EFCAB6: variants seen among roughly 807,000 people sequenced by gnomAD.
The protein encoded by EFCAB6 is EF-hand calcium binding domain 6.
Under a neutral mutation model 169.8 loss-of-function variants are expected in EFCAB6, and 156 were observed. The ratio of observed to expected loss-of-function variants is 0.92; its 90% confidence interval spans 0.81 to 1.05. The LOEUF (loss-of-function observed/expected upper bound fraction) is 1.05. EFCAB6 is among the 50% of genes least tolerant of loss of function. The pLI is 0.00. For synonymous variants in EFCAB6, 698 were observed against 676.4 expected (o/e 1.03, Z -0.50); for missense variants, 1,800 against 1,829.1 (o/e 0.98, Z 0.29).
intron 21 of EFCAB6, among the ~76,000 whole-genome samples, chr22:43,611,460 ACTAC>A (rs1476171229): frequency 6.6e-6 from 1 of 152,196 alleles, no homozygotes; most frequent in Non-Finnish European, 1.5e-5. Flanking sequence ...TTCCTGTTGA[ACTAC>A]CAATGGCATT....
At chr22:43,771,231 G>T (rs2061459116) in intron 4 of EFCAB6, among the ~76,000 whole-genome samples, 1 of 152,140 alleles carries the variant, frequency 6.6e-6, no homozygotes, top group Non-Finnish European at 1.5e-5. Flanking sequence ...AGGAACTCGA[G>T]ACCAGCCTGG....
intron 27 of EFCAB6, among the ~76,000 whole-genome samples, chr22:43,551,086 T>A (rs149307929): frequency 1.7e-3 from 255 of 152,314 alleles, no homozygotes; most frequent in Non-Finnish European, 2.7e-3. Flanking sequence ...TCATGAAATA[T>A]GGAGTTAAGT....
intron 3 of EFCAB6, among the ~76,000 whole-genome samples, chr22:43,780,653 G>A (rs1185898577): frequency 6.6e-6 from 1 of 152,156 alleles, no homozygotes; most frequent in Non-Finnish European, 1.5e-5. Flanking sequence ...TGCTGATGAT[G>A]TATTTTGATG....
In EFCAB6 at chr22:43,735,627, C is replaced by T. The variant is rs139342940; in HGVS notation, c.644+230G>A. Among the ~76,000 whole-genome samples, 1,335 of 152,196 alleles carry T rather than the reference C, an allele frequency of 8.8e-3. 7 individuals are homozygous for T. Among genetic ancestry groups the T allele is most frequent in the Middle Eastern group, 0.034 (10 of 294 alleles). ...TCAGAGCTGCGGGCCAGAGGACGGA[C>T]CCCAAGGGTGCTTAAGGAATGAGAA... On this transcript the variant is annotated intron_variant, in intron 7 of 31. Coordinates refer to ENST00000262726, the MANE Select transcript of EFCAB6 (RefSeq NM_022785.4).
intron 18 of EFCAB6, among the ~76,000 whole-genome samples, chr22:43,633,267 C>T (rs1235271845): frequency 2.0e-5 from 3 of 152,112 alleles, no homozygotes; most frequent in Non-Finnish European, 2.9e-5. Flanking sequence ...AACTCCATGT[C>T]GGCCAGGCAC....
At chr22:43,653,008 A>G (rs2056552093) in intron 17 of EFCAB6, among the ~76,000 whole-genome samples, 2 of 152,224 alleles carry the variant, frequency 1.3e-5, no homozygotes, top group Non-Finnish European at 1.5e-5. Flanking sequence ...ACATGGGATT[A>G]GCAAACTGGA....
intron 8 of EFCAB6, among the ~76,000 whole-genome samples, chr22:43,729,263 T>G (rs1275400715): frequency 2.0e-5 from 3 of 152,168 alleles, no homozygotes; most frequent in Non-Finnish European, 2.9e-5. Context: ...ATCACATTTC[T>G]TTCTTTTTTT....
intron 12 of EFCAB6, among the ~76,000 whole-genome samples, chr22:43,681,369 T>G (rs1475754190): frequency 1.3e-5 from 2 of 152,206 alleles, no homozygotes; most frequent in Non-Finnish European, 2.9e-5. Flanking sequence ...AATATTTTGT[T>G]GAGAATTTTT....
intron 21 of EFCAB6, among the ~76,000 whole-genome samples, chr22:43,608,845 C>T (rs2053107279): frequency 1.3e-5 from 2 of 152,082 alleles, no homozygotes; most frequent in South Asian, 4.2e-4. Context: ...GGGGTTTGAC[C>T]TGGATTCTTC....
At chr22:43,676,418 CAAA>C (rs34550416) in intron 13 of EFCAB6, among the ~76,000 whole-genome samples, 1 of 60,456 alleles carries the variant, frequency 1.7e-5, no homozygotes, top group Non-Finnish European at 3.3e-5. Flanking sequence ...GACTCCGTCT[CAAA>C]AAAAAAAAAA....
chr22:43,716,601 T>G, intron 9 of EFCAB6: 1 of 405,380 alleles, frequency 2.5e-6, no homozygotes, highest in Non-Finnish European at 4.3e-6. Flanking sequence ...TCTTTATATG[T>G]CTTATTAGAG....
At chr22:43,671,652 T>C (rs754884908) in intron 15 of EFCAB6, among the ~76,000 whole-genome samples, 6 of 152,172 alleles carry the variant, frequency 3.9e-5, no homozygotes, top group Non-Finnish European at 4.4e-5. Flanking sequence ...TCAGGAATCA[T>C]AGAGACCCAG....
At chr22:43,531,038 G>T in intron 30 of EFCAB6, 74 bp from the exon 31 acceptor site, 2 of 1,579,128 alleles carry the variant, frequency 1.3e-6, no homozygotes, top group Non-Finnish European at 1.7e-6. Flanking sequence ...TCCTCGCCTC[G>T]CCCCCGCCTC....
intron 28 of EFCAB6, among the ~76,000 whole-genome samples, chr22:43,538,387 TTTTG>T (rs1245790070): frequency 6.6e-6 from 1 of 152,072 alleles, no homozygotes; most frequent in African/African-American, 2.4e-5. Flanking sequence ...TTTTTTGTTT[TTTTG>T]TTTTTTTTTT....
chr22:43,546,214 C>T (rs192561263), intron 27 of EFCAB6, among the ~76,000 whole-genome samples: 3 of 152,152 alleles, frequency 2.0e-5, no homozygotes, highest in Non-Finnish European at 4.4e-5. Flanking sequence ...CATACACTTC[C>T]TTGAAATTAA....
chr22:43,767,590 G>A (rs1035254475), intron 4 of EFCAB6, among the ~76,000 whole-genome samples: 1 of 152,128 alleles, frequency 6.6e-6, no homozygotes, highest in African/African-American at 2.4e-5. Flanking sequence ...ACCACCCTCA[G>A]AGGTGGTGTC....
rs75922596 is a variant in EFCAB6, at chr22:43,659,281, T to G, written c.1983+7823A>C. Among the ~76,000 whole-genome samples the G allele has an allele frequency of 9.3e-3, 1,410 of 152,312 alleles. 21 individuals are homozygous for G. The highest frequency in any genetic ancestry group is 0.033 in the African/African-American group (1,353 of 41,550). Reference sequence around the variant, plus strand: ...ACAAAGAGCTTTTAGAATATCTGTTTCCTTTACCAGAGCTATATGTTCCTA... The same window carrying G: ...ACAAAGAGCTTTTAGAATATCTGTTGCCTTTACCAGAGCTATATGTTCCTA... On this transcript the variant is annotated intron_variant, in intron 17 of 31. Coordinates refer to ENST00000262726, the MANE Select transcript of EFCAB6 (RefSeq NM_022785.4).
intron 27 of EFCAB6, among the ~76,000 whole-genome samples, chr22:43,544,088 A>G (rs1046351754): frequency 1.3e-5 from 2 of 151,476 alleles, no homozygotes. Flanking sequence ...CTCCCTCCCC[A>G]GCCTCCCCCT....
At chr22:43,552,862 C>T (rs1448065563) in intron 27 of EFCAB6, 1 of 152,006 alleles carries the variant, frequency 6.6e-6, no homozygotes, top group African/African-American at 2.4e-5. Context: ...ATAATAAATG[C>T]AACTGTATTA....
Sources: allele counts gnomAD v4.1 joint callset (sites outside exome capture counted in the v4.1 genomes callset), GRCh38; gene constraint gnomAD v4.1.1; transcripts MANE v1.5; gene names NCBI Gene and HGNC (gene_info 2026-07-23, HGNC 2026-07-21).